Variants in PCGF5 observed in about 807,000 individuals in gnomAD.
PCGF5 encodes polycomb group RING finger protein 5.
Under a neutral mutation model 44.3 loss-of-function variants are expected in PCGF5, and 9 were observed. The observed-to-expected ratio is 0.20, with a 90% CI of 0.12 to 0.35. The LOEUF (loss-of-function observed/expected upper bound fraction) is 0.35. PCGF5 is among the 10% of genes least tolerant of loss of function. PCGF5 has a pLI of 1.00. For synonymous variants in PCGF5, 95 were observed against 102.5 expected (o/e 0.93, Z 0.44); for missense variants, 146 against 305.3 (o/e 0.48, Z 3.89).
At chr10:91,191,203 G>A (rs1844027805) in intron 1 of PCGF5, among the ~76,000 whole-genome samples, 1 of 152,132 alleles carries the variant, frequency 6.6e-6, no homozygotes, top group Non-Finnish European at 1.5e-5. Flanking sequence ...TAATAAAATA[G>A]AACTGGTATA....
intron 1 of PCGF5, among the ~76,000 whole-genome samples, chr10:91,177,527 G>T (rs1054296642): frequency 2.6e-5 from 4 of 152,172 alleles, no homozygotes; most frequent in African/African-American, 9.7e-5. Context: ...AGGCAGACAG[G>T]CCTCCTTGAG....
intron 3 of PCGF5, among the ~76,000 whole-genome samples, chr10:91,244,482 A>G (rs1469700231): frequency 6.6e-6 from 1 of 152,224 alleles, no homozygotes; most frequent in African/African-American, 2.4e-5. Flanking sequence ...AGGGCCATGT[A>G]GGCCACTGTA....
intron 1 of PCGF5, among the ~76,000 whole-genome samples, chr10:91,186,540 G>A (rs1039108221): frequency 4.2e-5 from 5 of 119,654 alleles, no homozygotes; most frequent in South Asian, 3.0e-4. Context: ...ATGTGTGTGT[G>A]TGTATATATA....
intron 1 of PCGF5, among the ~76,000 whole-genome samples, chr10:91,185,445 C>T (rs1447639988): frequency 2.0e-5 from 3 of 152,212 alleles, no homozygotes; most frequent in Admixed American, 1.3e-4. Context: ...GTTGTCCGTG[C>T]CTGGCTGGAA....
At chr10:91,278,051 C>T (rs1033093451) in intron 9 of PCGF5, among the ~76,000 whole-genome samples, 3 of 152,082 alleles carry the variant, frequency 2.0e-5, no homozygotes, top group African/African-American at 7.2e-5. Context: ...TTGAACTTGA[C>T]CTCTGCTGCA....
intron 2 of PCGF5, among the ~76,000 whole-genome samples, chr10:91,223,510 G>T (rs1022692447): frequency 6.6e-6 from 1 of 152,164 alleles, no homozygotes; most frequent in African/African-American, 2.4e-5. Flanking sequence ...TGATTCTGAA[G>T]CATGCTTAAG....
intron 1 of PCGF5, among the ~76,000 whole-genome samples, chr10:91,186,548 ATATATATATATGTGTGTGTGTG>A (rs1228973388): frequency 6.9e-6 from 1 of 144,468 alleles, no homozygotes; most frequent in African/African-American, 2.5e-5. Context: ...GTGTGTATAT[ATATATATATATGTGTGTGTGTG>A]TATATATATG....
intron 6 of PCGF5, among the ~76,000 whole-genome samples, chr10:91,255,162 C>T (rs1845716962): frequency 6.6e-6 from 1 of 152,062 alleles, no homozygotes; most frequent in African/African-American, 2.4e-5. Flanking sequence ...ATGGAAAAAG[C>T]CTTCTCTGTG....
At chr10:91,182,181 T>A (rs1471112034) in intron 1 of PCGF5, among the ~76,000 whole-genome samples, 1 of 151,888 alleles carries the variant, frequency 6.6e-6, no homozygotes, top group Non-Finnish European at 1.5e-5. Flanking sequence ...CCTTTTCAAT[T>A]TTTTGGAATA....
chr10:91,243,711 G>A (rs1004236499), intron 3 of PCGF5, among the ~76,000 whole-genome samples: 1 of 152,044 alleles, frequency 6.6e-6, no homozygotes, highest in African/African-American at 2.4e-5. Flanking sequence ...CTGAAGCAGT[G>A]TAAATATTTT....
intron 1 of PCGF5, among the ~76,000 whole-genome samples, chr10:91,178,262 C>T (rs10881895): frequency 0.31 from 47,001 of 152,016 alleles, 9,094 homozygotes; most frequent in Non-Finnish European, 0.42. Flanking sequence ...TAAATCAAGA[C>T]GGCAGTTTAA....
chr10:91,212,010 T>A (rs1336701825), intron 1 of PCGF5, among the ~76,000 whole-genome samples: 15 of 152,316 alleles, frequency 9.8e-5, no homozygotes, highest in East Asian at 1.9e-4. Context: ...TTGCACAAAC[T>A]CTCTGTACCA....
At position 91,283,397 on chromosome 10, in the gene PCGF5, C is replaced by G. The variant is rs1846499820; in HGVS notation, c.*5081C>G. 1 of 152,072 alleles carries G rather than the reference C, an allele frequency of 6.6e-6. No homozygotes were observed. The highest frequency in any genetic ancestry group is 2.1e-4 in the South Asian group (1 of 4,828). 9.4% of individuals were successfully genotyped at this position (152,072 alleles called of 1,614,324 possible). On this transcript the variant is annotated 3_prime_UTR_variant, in exon 10 of 10. Coordinates refer to ENST00000336126, the MANE Select transcript of PCGF5 (RefSeq NM_032373.5). ...ATTTTTAACTTTAATAATTTTAAAT[C>G]TAGAATCAAGTGAAACAGATATGTT...
At chr10:91,191,666 A>G (rs1162781608) in intron 1 of PCGF5, among the ~76,000 whole-genome samples, 1 of 152,126 alleles carries the variant, frequency 6.6e-6, no homozygotes, top group Admixed American at 6.5e-5. Context: ...CAGTACAGTG[A>G]TGTCCTATGT....
At chr10:91,214,348 T>C (rs892775327) in intron 1 of PCGF5, among the ~76,000 whole-genome samples, 1 of 148,474 alleles carries the variant, frequency 6.7e-6, no homozygotes, top group Non-Finnish European at 1.5e-5. Flanking sequence ...ACAAGGAGAA[T>C]GTCATGCGAA....
intron 8 of PCGF5, among the ~76,000 whole-genome samples, chr10:91,270,320 A>C (rs1032885268): frequency 2.0e-5 from 3 of 152,036 alleles, no homozygotes; most frequent in African/African-American, 7.2e-5. Context: ...TATTTGCATT[A>C]GTAGGCAATT....
intron 1 of PCGF5, among the ~76,000 whole-genome samples, chr10:91,195,471 C>CAT (rs3068529): frequency 0.33 from 45,783 of 138,062 alleles, 8,764 homozygotes; most frequent in Non-Finnish European, 0.43. Context: ...TATATGCATG[C>CAT]ATATATATAT....
chr10:91,260,493 A>G (rs1008918117), intron 6 of PCGF5, among the ~76,000 whole-genome samples: 1 of 152,168 alleles, frequency 6.6e-6, no homozygotes, highest in Non-Finnish European at 1.5e-5. Context: ...TCATGCTGCT[A>G]TAAAGACACA....
At chr10:91,190,874 T>C (rs1254624419) in intron 1 of PCGF5, among the ~76,000 whole-genome samples, 4 of 152,248 alleles carry the variant, frequency 2.6e-5, no homozygotes, top group Admixed American at 6.5e-5. Flanking sequence ...TGCTGTCTTT[T>C]GTGTTTGTGT....
Sources: gnomAD v4.1 joint callset for allele counts (sites outside exome capture counted in the v4.1 genomes callset) on GRCh38, gnomAD v4.1.1 for gene constraint, MANE v1.5 for transcripts, NCBI Gene and HGNC (gene_info 2026-07-23, HGNC 2026-07-21) for gene names.